EXOC4: variants seen among roughly 807,000 people sequenced by gnomAD.
EXOC4 encodes the protein SEC8-like 1.
In EXOC4, 71 loss-of-function variants were observed where a neutral mutation model predicts 107.2. The ratio of observed to expected loss-of-function variants is 0.66; its 90% CI spans 0.55 to 0.81. EXOC4 has a LOEUF of 0.81. Ranked by LOEUF, EXOC4 falls within the 30% of genes least tolerant of loss-of-function variation. The pLI is 0.00. For synonymous variants in EXOC4, 456 were observed against 441.2 expected (o/e 1.03, Z -0.42); for missense variants, 1,108 against 1,189.6 (o/e 0.93, Z 1.01).
chr7:133,796,673 G>A (rs2551017), intron 10 of EXOC4, among the ~76,000 whole-genome samples: 150,190 of 152,206 alleles, frequency 0.99, 74,143 homozygotes, highest in Middle Eastern at 1. Context: ...CAGGAGAATC[G>A]CTTGAACCTG....
At chr7:133,496,048 A>G (rs141198010) in intron 9 of EXOC4, among the ~76,000 whole-genome samples, 1 of 151,696 alleles carries the variant, frequency 6.6e-6, no homozygotes, top group East Asian at 1.9e-4. Flanking sequence ...TACTTCTGCT[A>G]CTCTTCCCCT....
chr7:133,344,531 C>T (rs1795741338), intron 5 of EXOC4, among the ~76,000 whole-genome samples: 1 of 152,134 alleles, frequency 6.6e-6, no homozygotes, highest in African/African-American at 2.4e-5. Flanking sequence ...TGAATTTTAG[C>T]TGTCTTGTCA....
intron 9 of EXOC4, among the ~76,000 whole-genome samples, chr7:133,588,664 G>T (rs571903296): frequency 1.3e-5 from 2 of 152,040 alleles, no homozygotes; most frequent in South Asian, 4.1e-4. Context: ...AGGTGGTGGC[G>T]GGCAGATTAC....
chr7:133,914,006 C>A (rs1799751460), intron 12 of EXOC4, among the ~76,000 whole-genome samples: 1 of 152,108 alleles, frequency 6.6e-6, no homozygotes, highest in Non-Finnish European at 1.5e-5. Flanking sequence ...GTGTTGGATG[C>A]TTTAGAATAG....
chr7:134,020,068 A>G (rs1794994807), intron 17 of EXOC4, among the ~76,000 whole-genome samples: 1 of 152,190 alleles, frequency 6.6e-6, no homozygotes, highest in African/African-American at 2.4e-5. Context: ...GAATCTCACC[A>G]CAAATTAGCA....
At chr7:133,729,010 G>A (rs578032148) in intron 10 of EXOC4, among the ~76,000 whole-genome samples, 2 of 152,024 alleles carry the variant, frequency 1.3e-5, no homozygotes, top group Non-Finnish European at 2.9e-5. Context: ...CTAGCCTTTG[G>A]GTTTCTATGG....
intron 5 of EXOC4, among the ~76,000 whole-genome samples, chr7:133,338,663 A>G (rs1795584419): frequency 6.8e-6 from 1 of 146,152 alleles, no homozygotes; most frequent in Non-Finnish European, 1.5e-5. Context: ...GTGGTATTTG[A>G]TTACATGTAT....
chr7:133,582,777 A>G (rs1383861239), intron 9 of EXOC4, among the ~76,000 whole-genome samples: 3 of 152,212 alleles, frequency 2.0e-5, no homozygotes, highest in African/African-American at 7.2e-5. Context: ...AAGGACCAGA[A>G]TTTCCCTGTT....
intron 12 of EXOC4, among the ~76,000 whole-genome samples, chr7:133,906,537 G>C (rs1207661642): frequency 1.3e-5 from 2 of 152,226 alleles, no homozygotes; most frequent in Non-Finnish European, 2.9e-5. Context: ...CAATGATCAG[G>C]ATATAAACCC....
intron 17 of EXOC4, among the ~76,000 whole-genome samples, chr7:134,010,930 TCTAA>T (rs1015294551): frequency 2.6e-5 from 4 of 151,864 alleles, no homozygotes; most frequent in African/African-American, 9.7e-5. Flanking sequence ...ACACCTTCCC[TCTAA>T]CTAATCTCTA....
intron 10 of EXOC4, among the ~76,000 whole-genome samples, chr7:133,669,788 C>A (rs1793905902): frequency 6.6e-6 from 1 of 152,162 alleles, no homozygotes. Context: ...TCATGTAAAG[C>A]TCCTTGAAGG....
chr7:133,388,469 G>T (rs962083000), intron 7 of EXOC4, among the ~76,000 whole-genome samples: 1 of 152,008 alleles, frequency 6.6e-6, no homozygotes, highest in Non-Finnish European at 1.5e-5. Flanking sequence ...GGCCAATGTG[G>T]TGAAACCCTG....
intron 7 of EXOC4, among the ~76,000 whole-genome samples, chr7:133,435,283 A>G (rs1238853002): frequency 6.6e-6 from 1 of 151,944 alleles, no homozygotes; most frequent in African/African-American, 2.4e-5. Context: ...CCAGTCCCAG[A>G]CTTCCATTAA....
intron 17 of EXOC4, among the ~76,000 whole-genome samples, chr7:134,018,468 C>T (rs537437452): frequency 6.6e-6 from 1 of 152,074 alleles, no homozygotes; most frequent in Non-Finnish European, 1.5e-5. Context: ...TACTGAACAC[C>T]CTTTGCTGAT....
At chr7:133,319,541 G>A (rs1229545488) in intron 5 of EXOC4, among the ~76,000 whole-genome samples, 2 of 152,140 alleles carry the variant, frequency 1.3e-5, no homozygotes, top group Non-Finnish European at 2.9e-5. Flanking sequence ...CCGAGCTGGA[G>A]TGCAGTGGTG....
chr7:133,459,106 A>C (rs1798530357), intron 7 of EXOC4, among the ~76,000 whole-genome samples: 1 of 152,230 alleles, frequency 6.6e-6, no homozygotes, highest in Non-Finnish European at 1.5e-5. Context: ...TGTCTTAAGC[A>C]ATTAGCAGAG....
chr7:133,497,063 A>G (rs1447494060), intron 9 of EXOC4, among the ~76,000 whole-genome samples: 1 of 152,154 alleles, frequency 6.6e-6, no homozygotes, highest in Non-Finnish European at 1.5e-5. Flanking sequence ...TCTAACAGCC[A>G]ACAGAAAAAT....
At chr7:133,824,388 C>T (rs1797649350) in intron 11 of EXOC4, among the ~76,000 whole-genome samples, 1 of 152,078 alleles carries the variant, frequency 6.6e-6, no homozygotes, top group Non-Finnish European at 1.5e-5. Flanking sequence ...GCTGTTTACG[C>T]ACCTTCTGTT....
chr7:133,811,447 A>G (rs1380190485), intron 10 of EXOC4, among the ~76,000 whole-genome samples: 1 of 152,204 alleles, frequency 6.6e-6, no homozygotes, highest in East Asian at 1.9e-4. Context: ...AATGCTTACT[A>G]GGTGAAAGGA....
Sources: gnomAD v4.1 joint callset for allele counts (sites outside exome capture counted in the v4.1 genomes callset) on GRCh38, gnomAD v4.1.1 for gene constraint, MANE v1.5 for transcripts, NCBI Gene and HGNC (gene_info 2026-07-23, HGNC 2026-07-21) for gene names.